APP: variants seen among roughly 807,000 people sequenced by gnomAD.
APP encodes amyloid-beta precursor protein.
In APP, 31 loss-of-function variants were observed where a neutral mutation model predicts 101.4. The ratio of observed to expected loss-of-function variants is 0.31; its 90% confidence interval spans 0.23 to 0.41. The LOEUF (loss-of-function observed/expected upper bound fraction) is 0.41, where lower values mean the gene tolerates loss of function less well. Ranked by LOEUF, APP falls within the 10% of genes least tolerant of loss-of-function variation. The pLI, the probability that APP is intolerant of heterozygous loss-of-function variation, is 1.00. For synonymous variants in APP, 366 were observed against 364.4 expected (o/e 1.00, Z -0.05); for missense variants, 839 against 1,003.7 (o/e 0.84, Z 2.22).
intron 17 of APP, among the ~76,000 whole-genome samples, chr21:25,884,640 G>A (rs982354525): frequency 6.6e-6 from 1 of 152,068 alleles, no homozygotes; most frequent in Non-Finnish European, 1.5e-5. Flanking sequence ...TTGAACTTGG[G>A]CATCATTTTT....
At chr21:26,062,221 A>G (rs2046293175) in intron 3 of APP, among the ~76,000 whole-genome samples, 1 of 93,382 alleles carries the variant, frequency 1.1e-5, no homozygotes, top group Non-Finnish European at 2.4e-5. Context: ...AAAAACAAAC[A>G]AACAAACAAA....
Position 25,988,702 on chromosome 21 carries a change from C to CAAAA in APP, c.1091-6229_1091-6226dup, listed in dbSNP as rs537417600. Among the ~76,000 whole-genome samples, 91 of 62,344 alleles carry CAAAA rather than the reference C, an allele frequency of 1.5e-3. 1 individual carries two copies. The highest frequency in any genetic ancestry group is 5.7e-3 in the African/African-American group (89 of 15,582). The allele number at this position is 62,344 out of a possible 152,430, so 40.9% of individuals were successfully genotyped here. A position where few individuals can be genotyped will look rare whatever the true frequency, so the allele number is the denominator to read the frequency against. ...GGGTGATAACAGCGAAACTCTGTCT[C>CAAAA]AAAAAAAAAAAAAAAAAAAAAGGAG... On this transcript the variant is annotated intron_variant, in intron 8 of 17. Coordinates refer to ENST00000346798, the MANE Select transcript of APP (RefSeq NM_000484.4).
chr21:26,170,213 TC>T (rs1254598192), intron 1 of APP, among the ~76,000 whole-genome samples: 2 of 151,904 alleles, frequency 1.3e-5, no homozygotes, highest in Admixed American at 6.6e-5. Flanking sequence ...CCTTCCCCCT[TC>T]CCCCCTGTCT....
intron 8 of APP, among the ~76,000 whole-genome samples, chr21:25,996,071 G>A (rs1220370190): frequency 2.0e-5 from 3 of 151,792 alleles, no homozygotes; most frequent in Non-Finnish European, 2.9e-5. Flanking sequence ...CCTAACACTG[G>A]ATAAATCTAT....
At chr21:25,914,030 G>C (rs1200834748) in intron 13 of APP, among the ~76,000 whole-genome samples, 1 of 152,000 alleles carries the variant, frequency 6.6e-6, no homozygotes, top group Non-Finnish European at 1.5e-5. Flanking sequence ...CCATGCACTT[G>C]GTAGGTACAC....
At chr21:25,913,539 G>A (rs906307683) in intron 13 of APP, among the ~76,000 whole-genome samples, 5 of 152,158 alleles carry the variant, frequency 3.3e-5, no homozygotes, top group Admixed American at 3.3e-4. Flanking sequence ...TTTTGCTTGT[G>A]ACTGTTAAGC....
At position 26,134,550 on chromosome 21, in the gene APP, C is replaced by G. The variant is rs544181055; in HGVS notation, c.58-22404G>C. Reference sequence around the variant, plus strand: ...GGGTGAGGTGCGGCTGAAGAGAAAACGAGATTCCATGCCCTTTCCTGACAT... The same window carrying G: ...GGGTGAGGTGCGGCTGAAGAGAAAAGGAGATTCCATGCCCTTTCCTGACAT... On this transcript the variant is annotated intron_variant, in intron 1 of 17. Coordinates refer to ENST00000346798, the MANE Select transcript of APP (RefSeq NM_000484.4). 7.2e-5 allele frequency among the ~76,000 whole-genome samples: 11 copies of G among 152,318 alleles called. No individual in the cohort carries two copies. In the South Asian group the frequency reaches 1.9e-3, roughly 26 times the overall value.
chr21:26,018,409 C>T (rs117413197), intron 6 of APP, among the ~76,000 whole-genome samples: 55 of 152,306 alleles, frequency 3.6e-4, no homozygotes, highest in South Asian at 8.3e-4. Context: ...TAGAGTTTTA[C>T]AAAATGAGTA....
At chr21:26,084,933 C>CT (rs914247282) in intron 3 of APP, among the ~76,000 whole-genome samples, 37 of 152,096 alleles carry the variant, frequency 2.4e-4, no homozygotes, top group African/African-American at 8.5e-4. Context: ...AGTCTTTTGA[C>CT]TTTTTTCTAT....
chr21:26,111,409 T>C (rs45544533), intron 2 of APP, among the ~76,000 whole-genome samples: 8,275 of 152,190 alleles, frequency 0.054, 777 homozygotes, highest in African/African-American at 0.19. Context: ...AGACCTTGAC[T>C]GTAGAGCCGT....
At chr21:26,139,007 C>T (rs2146302043) in intron 1 of APP, among the ~76,000 whole-genome samples, 1 of 152,182 alleles carries the variant, frequency 6.6e-6, no homozygotes, top group East Asian at 1.9e-4. Flanking sequence ...GACACGGTTA[C>T]ACTTTCGTAT....
chr21:26,168,999 C>T (rs2063679839), intron 1 of APP, among the ~76,000 whole-genome samples: 2 of 152,048 alleles, frequency 1.3e-5, no homozygotes, highest in East Asian at 3.9e-4. Flanking sequence ...TACTAGGAGG[C>T]TGGGGGAAAA....
intron 8 of APP, among the ~76,000 whole-genome samples, chr21:25,993,524 C>G (rs2042947693): frequency 6.6e-6 from 1 of 152,208 alleles, no homozygotes; most frequent in Admixed American, 6.5e-5. Context: ...ACGAGACCTT[C>G]AATACTATAG....
At chr21:26,140,006 T>C in intron 1 of APP, 2 of 661,750 alleles carry the variant, frequency 3.0e-6, no homozygotes, top group South Asian at 1.9e-5. Context: ...AATTAAATCA[T>C]TACACCAAAT....
At position 25,969,854 on chromosome 21, in the gene APP, C is replaced by CAAAAGAAAAGAAAAG. The variant is rs541544438; in HGVS notation, c.1458+5201_1458+5215dup. Among the ~76,000 whole-genome samples, 68 of 73,364 alleles carry CAAAAGAAAAGAAAAG rather than the reference C, an allele frequency of 9.3e-4. 1 individual carries two copies. The highest frequency in any genetic ancestry group is 3.1e-3 in the African/African-American group (63 of 20,284). The allele number at this position is 73,364 out of a possible 152,430, so 48.1% of individuals were successfully genotyped here. A position where few individuals can be genotyped will look rare whatever the true frequency, so the allele number is the denominator to read the frequency against. ...ACCCTGAAAAGAAAAGAAAAGAAAA[C>CAAAAGAAAAGAAAAG]AAAAGAAAAGAAAAGAAAAGAGAAA... On this transcript the variant is annotated intron_variant, in intron 11 of 17. Coordinates refer to ENST00000346798, the MANE Select transcript of APP (RefSeq NM_000484.4).
intron 13 of APP, among the ~76,000 whole-genome samples, chr21:25,916,349 T>A (rs1388239084): frequency 6.6e-6 from 1 of 152,184 alleles, no homozygotes; most frequent in African/African-American, 2.4e-5. Context: ...TGGATTACCA[T>A]TATCAGAAGT....
At chr21:26,051,523 T>C (rs1175020063) in intron 4 of APP, among the ~76,000 whole-genome samples, 4 of 152,226 alleles carry the variant, frequency 2.6e-5, no homozygotes, top group Non-Finnish European at 5.9e-5. Flanking sequence ...AATTAATGCC[T>C]TCTGGCTTAA....
At chr21:25,998,641 T>C (rs1334907464) in intron 7 of APP, among the ~76,000 whole-genome samples, 1 of 152,122 alleles carries the variant, frequency 6.6e-6, no homozygotes, top group African/African-American at 2.4e-5. Flanking sequence ...GCAGGAAATG[T>C]GGCTGCCACC....
At chr21:25,995,634 T>C (rs2043023765) in intron 8 of APP, among the ~76,000 whole-genome samples, 1 of 152,348 alleles carries the variant, frequency 6.6e-6, no homozygotes, top group East Asian at 1.9e-4. Context: ...CAACTCAACA[T>C]GCGTACCTAT....
Sources: allele counts gnomAD v4.1 joint callset (sites outside exome capture counted in the v4.1 genomes callset), GRCh38; gene constraint gnomAD v4.1.1; transcripts MANE v1.5; gene names NCBI Gene and HGNC (gene_info 2026-07-23, HGNC 2026-07-21).